Variants in SPON2 observed in about 807,000 individuals in gnomAD.
The protein encoded by SPON2 is spondin-2.
A neutral mutation model predicts 29.9 loss-of-function variants in SPON2; 32 were observed. That is an observed-to-expected ratio of 1.07 (90% confidence interval 0.81 to 1.44). The LOEUF (loss-of-function observed/expected upper bound fraction) is 1.44. Ranked by LOEUF, SPON2 falls within the 40% of genes most tolerant of loss-of-function variation. The probability of loss-of-function intolerance (pLI) is 0.00; values close to 1 mark genes in which losing one functional copy is unlikely to be tolerated. For missense variants in SPON2, 541 were observed against 455.5 expected (o/e 1.19, Z -1.71); for synonymous variants, 248 against 209.1 (o/e 1.19, Z -1.61).
At chr4:1,204,536 T>G (rs1362475206) in intron 1 of SPON2, among the ~76,000 whole-genome samples, 5 of 152,374 alleles carry the variant, frequency 3.3e-5, no homozygotes, top group African/African-American at 1.2e-4. Flanking sequence ...ACGCACCAGC[T>G]CCACACGGGG....
At chr4:1,195,088 C>CCAACCCCGCAGCCGGCGGT (rs1728032264) in exon 1 of SPON2, 1 of 66,564 alleles carries the variant, frequency 1.5e-5, no homozygotes, top group Non-Finnish European at 3.5e-5. Context: ...CAGCCGGCGG[C>CCAACCCCGCAGCCGGCGGT]TCCAACCCCG....
chr4:1,177,856 C>A (rs1334259056), upstream of SPON2, among the ~76,000 whole-genome samples: 1 of 152,300 alleles, frequency 6.6e-6, no homozygotes, highest in East Asian at 1.9e-4. Context: ...GGAGTACCCA[C>A]CCACGGGAGC....
upstream of SPON2, among the ~76,000 whole-genome samples, chr4:1,177,046 G>C (rs1727618373): frequency 6.6e-6 from 1 of 152,246 alleles, no homozygotes; most frequent in African/African-American, 2.4e-5. Context: ...AGTGTTTAGT[G>C]AATTGGTTGA....
Position 1,171,169 on chromosome 4 carries a change from C to G in SPON2, c.466G>C (p.Val156Leu), listed in dbSNP as rs1418669506. The G allele has an allele frequency of 3.9e-6, 6 of 1,545,970 alleles. No individual in the cohort carries two copies. The highest frequency in any genetic ancestry group is 5.2e-6 in the Non-Finnish European group (6 of 1,147,580). Residue 156 changes from valine (V) to leucine (L), a missense_variant, in exon 4 of 6, where the codon GTG becomes CTG. Transcript: ENST00000290902. ...CCCACGAACCAGTCGGGGCTGGGCACGATGCGCACCACAAACGAGACCTGC... is the reference window on the plus strand; with the variant it reads ...CCCACGAACCAGTCGGGGCTGGGCAGGATGCGCACCACAAACGAGACCTGC... ...HSLVSFVVRI[V>L]PSPDWFVGVD...
At chr4:1,203,742 A>G (rs1728272154) in intron 1 of SPON2, among the ~76,000 whole-genome samples, 1 of 151,990 alleles carries the variant, frequency 6.6e-6, no homozygotes, top group Admixed American at 6.6e-5. Context: ...CAGCCATCCC[A>G]GTGGGTGTGA....
intron 4 of SPON2, 152 bp from the exon 5 acceptor site, chr4:1,170,728 C>T (rs894925727): frequency 4.6e-6 from 5 of 1,080,868 alleles, no homozygotes; most frequent in Admixed American, 2.0e-5. Context: ...AGCCATCCCA[C>T]GGAACACGGG....
chr4:1,188,107 A>G (rs1373697785), intron 1 of SPON2, among the ~76,000 whole-genome samples: 1 of 146,654 alleles, frequency 6.8e-6, no homozygotes, highest in Non-Finnish European at 1.5e-5. Flanking sequence ...GCTACTCAGG[A>G]GGCTGAGGCA....
chr4:1,201,188 C>G (rs1560213743), intron 1 of SPON2: 2 of 449,002 alleles, frequency 4.5e-6, no homozygotes, highest in Middle Eastern at 3.6e-4. Context: ...CCTCCAGCCC[C>G]TCCCCCCGCA....
intron 1 of SPON2, among the ~76,000 whole-genome samples, chr4:1,181,296 G>T (rs763743144): frequency 4.7e-4 from 71 of 152,132 alleles, no homozygotes; most frequent in Non-Finnish European, 1.0e-4. Context: ...AAAAAATAAA[G>T]GTGAAATTAA....
chr4:1,193,968 G>A (rs1727978028), intron 1 of SPON2, among the ~76,000 whole-genome samples: 1 of 151,730 alleles, frequency 6.6e-6, no homozygotes, highest in African/African-American at 2.4e-5. Flanking sequence ...CGTGGGCCCT[G>A]CTCCCTGTCC....
chr4:1,168,553 C>A (rs1404595127), intron 5 of SPON2, among the ~76,000 whole-genome samples: 1 of 152,238 alleles, frequency 6.6e-6, no homozygotes, highest in Non-Finnish European at 1.5e-5. Context: ...TTGCAAAGAC[C>A]TTGGGCGCTG....
intron 1 of SPON2, among the ~76,000 whole-genome samples, chr4:1,204,753 C>A (rs1474054083): frequency 6.6e-6 from 1 of 152,218 alleles, no homozygotes; most frequent in East Asian, 1.9e-4. Flanking sequence ...TCGTGACGCC[C>A]AGGACAGACC....
chr4:1,207,659 C>A (rs1025764707), intron 1 of SPON2, among the ~76,000 whole-genome samples: 3 of 142,902 alleles, frequency 2.1e-5, no homozygotes, highest in African/African-American at 7.9e-5. Flanking sequence ...CCTAACCATG[C>A]GCCGCGCTTA....
intron 1 of SPON2, among the ~76,000 whole-genome samples, chr4:1,189,469 C>A (rs1281327056): frequency 6.6e-6 from 1 of 150,728 alleles, no homozygotes; most frequent in African/African-American, 2.4e-5. Context: ...CCAGCAGGGG[C>A]AAACGGTAAA....
At chr4:1,180,897 A>G (rs1727690311) in intron 1 of SPON2, among the ~76,000 whole-genome samples, 7 of 152,258 alleles carry the variant, frequency 4.6e-5, no homozygotes, top group Admixed American at 4.6e-4. Context: ...ATCATCAAAC[A>G]TACAAACAAA....
At position 1,167,322 on chromosome 4, in the gene SPON2, C is replaced by G. The variant is rs1040057360; in HGVS notation, c.*150G>C. 2.0e-5 allele frequency: 15 copies of G among 762,120 alleles called. No homozygotes were observed. Among genetic ancestry groups the G allele is most frequent in the Non-Finnish European group, 2.9e-5 (14 of 489,908 alleles). The allele number at this position is 762,120 out of a possible 1,614,324, so 47.2% of individuals were successfully genotyped here. ...TGCCCGTGCCGGCCACCAGAGGGCC[C>G]TTCAGTGCAGAGATGGTCGGCGCGG... On this transcript the variant is annotated 3_prime_UTR_variant, in exon 6 of 6. Coordinates refer to ENST00000290902, the MANE Select transcript of SPON2 (RefSeq NM_012445.4).
At chr4:1,172,141 G>T in intron 1 of SPON2, 67 bp from the exon 2 acceptor site, 1 of 1,411,362 alleles carries the variant, frequency 7.1e-7, no homozygotes, top group Non-Finnish European at 9.8e-7. Context: ...GGAAAGCCGA[G>T]AGGGCTGCGG....
chr4:1,195,979 G>A (rs992060293), upstream of SPON2, among the ~76,000 whole-genome samples: 6 of 152,162 alleles, frequency 3.9e-5, no homozygotes. Context: ...TGGGGATCTG[G>A]GTTGGGGTCT....
intron 1 of SPON2, among the ~76,000 whole-genome samples, chr4:1,186,243 CAAAA>C (rs1269849796): frequency 3.2e-5 from 2 of 61,764 alleles, no homozygotes; most frequent in Admixed American, 1.8e-4. Context: ...GACTCCGTCT[CAAAA>C]AAAAAAAAAA....
Sources: allele counts gnomAD v4.1 joint callset (sites outside exome capture counted in the v4.1 genomes callset), GRCh38; gene constraint gnomAD v4.1.1; transcripts MANE v1.5; gene names NCBI Gene and HGNC (gene_info 2026-07-23, HGNC 2026-07-21).